Variants in MYOT observed in about 807,000 individuals in gnomAD.
MYOT encodes the protein myotilin, also known as 57 kDa cytoskeletal protein.
A neutral mutation model predicts 58.0 loss-of-function variants in MYOT; 36 were observed. The ratio of observed to expected loss-of-function variants is 0.62; its 90% CI spans 0.48 to 0.82. The LOEUF (loss-of-function observed/expected upper bound fraction) is 0.82, where lower values mean the gene tolerates loss of function less well. Ranked by LOEUF, MYOT falls within the 40% of genes least tolerant of loss-of-function variation. The pLI, the probability that MYOT is intolerant of heterozygous loss-of-function variation, is 0.00. For synonymous variants in MYOT, 218 were observed against 204.6 expected, an observed-to-expected ratio of 1.07 and a Z score of -0.56; for missense variants, 505 against 592.1, an observed-to-expected ratio of 0.85 and a Z score of 1.53.
chr5:137,879,688 CTTTTTTTT>C (rs1187720466), intron 4 of MYOT, among the ~76,000 whole-genome samples: 2 of 94,510 alleles, frequency 2.1e-5, no homozygotes, highest in Non-Finnish European at 4.1e-5. Flanking sequence ...CCACACCCGG[CTTTTTTTT>C]TTTTTTTTTT....
rs1477665681 is a variant in MYOT, at chr5:137,886,116, T to G, written c.1093T>G (p.Ser365Ala). 1.9e-6 allele frequency: 3 copies of G among 1,611,008 alleles called. No homozygotes were observed. Among genetic ancestry groups the G allele is most frequent in the African/African-American group, 1.3e-5 (1 of 74,848 alleles). Residue 365 changes from serine to alanine, a missense_variant, in exon 8 of 10, where the codon TCA (serine) becomes GCA (alanine). Transcript: ENST00000239926. ...GAGCAAAAAAGTTTTAGAGGGAGAT[T>G]CAGTGAAACTAGAATGCCAGATCTC... Reference protein sequence around the residue: ...PQSKKVLEGDSVKLECQISAI... With the variant: ...PQSKKVLEGDAVKLECQISAI...
intron 3 of MYOT, among the ~76,000 whole-genome samples, chr5:137,877,139 C>A (rs1461985364): frequency 2.0e-5 from 3 of 151,560 alleles, no homozygotes; most frequent in Admixed American, 6.6e-5. Flanking sequence ...GAGGCCGAGG[C>A]GGGTGGATCA....
intron 3 of MYOT, 109 bp from the exon 4 acceptor site, chr5:137,877,411 G>T: frequency 6.8e-5 from 38 of 559,078 alleles, no homozygotes; most frequent in Non-Finnish European, 1.1e-4. Flanking sequence ...TCATTCAATA[G>T]ATAGAACTAT....
At chr5:137,887,026 T>C (rs764863403) in intron 9 of MYOT, 29 bp downstream of exon 9, 12 of 1,601,416 alleles carry the variant, frequency 7.5e-6, no homozygotes, top group Non-Finnish European at 1.0e-5. Flanking sequence ...CAAAGTATTA[T>C]AAGGGATTTA....
chr5:137,879,940 G>A (rs1205057747), intron 4 of MYOT, among the ~76,000 whole-genome samples: 2 of 152,034 alleles, frequency 1.3e-5, no homozygotes, highest in African/African-American at 2.4e-5. Flanking sequence ...AGAACCTTAA[G>A]GCTAGCCAAA....
At chr5:137,880,214 G>A (rs1250656583) in intron 4 of MYOT, among the ~76,000 whole-genome samples, 1 of 152,052 alleles carries the variant, frequency 6.6e-6, no homozygotes, top group African/African-American at 2.4e-5. Context: ...TCTGCTGTTC[G>A]GATATAAATC....
intron 7 of MYOT, 54 bp downstream of exon 7, chr5:137,883,645 A>G: frequency 6.6e-7 from 1 of 1,520,106 alleles, no homozygotes; most frequent in Non-Finnish European, 9.1e-7. Flanking sequence ...AGTATTGAAA[A>G]AAAGAAAGTA....
intron 1 of MYOT, among the ~76,000 whole-genome samples, chr5:137,870,055 G>A (rs1369332589): frequency 6.6e-6 from 1 of 150,914 alleles, no homozygotes; most frequent in Admixed American, 6.6e-5. Flanking sequence ...AAGGGGGGCT[G>A]AGGCGGGAGG....
At chr5:137,871,455 T>C (rs917139277) in intron 2 of MYOT, among the ~76,000 whole-genome samples, 1 of 152,214 alleles carries the variant, frequency 6.6e-6, no homozygotes, top group African/African-American at 2.4e-5. Context: ...AAGTTTCTTC[T>C]CAGTCTTTTC....
chr5:137,881,982 A>C lies in MYOT; in HGVS notation c.693A>C (p.Ser231=), dbSNP rs1021364184. 6 of 1,613,916 alleles carry C rather than the reference A, an allele frequency of 3.7e-6. No individual in the cohort carries two copies. Among genetic ancestry groups the C allele is most frequent in the Non-Finnish European group, 5.1e-6 (6 of 1,179,866 alleles). ...CAAAATATTCTTGTAGAAGTAGATC[A>C]ACCTCAAGGGGAGATGTGAATGATC... ...QVPTSQVRSR[S]TSRGDVNDQD... is the part of the protein sequence containing the mutation. The change falls in exon 6 of 10, where the codon TCA becomes TCC. Residue 231 remains serine, a synonymous_variant. Coordinates refer to ENST00000239926, the MANE Select transcript of MYOT (RefSeq NM_006790.3).
At position 137,887,357 on chromosome 5, in the gene MYOT, C is replaced by A; in HGVS notation, c.1469C>A (p.Ser490Tyr). The A allele has an allele frequency of 6.2e-7, 1 of 1,614,012 alleles. No homozygotes were observed. The highest frequency in any genetic ancestry group is 1.3e-5 in the African/African-American group (1 of 75,028). ...GAATTTCAGCGTTTGGCAGCTCAAT[C>A]TGGACTCTATGAAAGTGAAGAACTT... ...EGEFQRLAAQ[S>Y]GLYESEEL The change falls in exon 10 of 10, where the codon TCT becomes TAT. Residue 490 changes from serine to tyrosine, a missense_variant. Coordinates refer to ENST00000239926, the MANE Select transcript of MYOT (RefSeq NM_006790.3).
chr5:137,873,437 G>T (rs1296051910), intron 2 of MYOT, among the ~76,000 whole-genome samples: 1 of 151,966 alleles, frequency 6.6e-6, no homozygotes, highest in South Asian at 2.1e-4. Context: ...GGGAGGCTGA[G>T]GCATGAGAAT....
intron 2 of MYOT, 115 bp downstream of exon 2, chr5:137,871,122 T>C: frequency 1.1e-6 from 1 of 891,504 alleles, no homozygotes; most frequent in Non-Finnish European, 1.8e-6. Context: ...AAAAAGGCAA[T>C]GTGACCTTAC....
chr5:137,886,478 G>A (rs1755604507), intron 8 of MYOT, among the ~76,000 whole-genome samples: 1 of 152,128 alleles, frequency 6.6e-6, no homozygotes, highest in South Asian at 2.1e-4. Context: ...GGAAATAAAT[G>A]ACATAAACAA....
intron 3 of MYOT, 150 bp downstream of exon 3, chr5:137,876,153 C>A: frequency 3.9e-6 from 3 of 772,264 alleles, no homozygotes; most frequent in South Asian, 1.8e-5. Context: ...TATTCCATTT[C>A]TCTCTGCATG....
At chr5:137,880,497 T>C in intron 4 of MYOT, 1 of 297,378 alleles carries the variant, frequency 3.4e-6, no homozygotes, top group Admixed American at 4.7e-5. Flanking sequence ...TGTGCTCCCA[T>C]TTCAAATGCA....
intron 1 of MYOT, among the ~76,000 whole-genome samples, chr5:137,868,896 G>C (rs1237341155): frequency 6.6e-6 from 1 of 152,034 alleles, no homozygotes; most frequent in African/African-American, 2.4e-5. Context: ...TTTCTAAAAT[G>C]CATTCTAGTT....
In MYOT at chr5:137,884,584, T is replaced by C. The variant is rs576947265; in HGVS notation, c.1024+993T>C. ...GTGCTTTAAATATACAAGTTGAGTA[T>C]CCCTAATCCAAAAATCTGAAATCTT... On this transcript the variant is annotated intron_variant, in intron 7 of 9. Coordinates refer to ENST00000239926, the MANE Select transcript of MYOT (RefSeq NM_006790.3). Among the ~76,000 whole-genome samples the C allele has an allele frequency of 5.3e-5, 8 of 152,254 alleles. No homozygotes were observed. The East Asian group carries it at 1.4e-3, about 26-fold the overall frequency.
chr5:137,882,162 GA>G (rs1429186962), intron 6 of MYOT, 57 bp downstream of exon 6: 6 of 1,586,292 alleles, frequency 3.8e-6, no homozygotes, highest in Middle Eastern at 1.7e-4. Flanking sequence ...ACTAAGTTTT[GA>G]AAAATGTTCT....
Sources: allele counts gnomAD v4.1 joint callset (sites outside exome capture counted in the v4.1 genomes callset), GRCh38; gene constraint gnomAD v4.1.1; transcripts MANE v1.5; gene names NCBI Gene and HGNC (gene_info 2026-07-23, HGNC 2026-07-21).